Variants in UNC5C observed in about 807,000 individuals in gnomAD.
The protein encoded by UNC5C is netrin receptor UNC5C.
Under a neutral mutation model 99.8 loss-of-function variants are expected in UNC5C, and 47 were observed. That is an observed-to-expected ratio of 0.47 (90% confidence interval 0.37 to 0.60). The LOEUF (loss-of-function observed/expected upper bound fraction) is 0.60, where lower values mean the gene tolerates loss of function less well. UNC5C is among the 20% of genes least tolerant of loss of function. The pLI is 0.00. For missense variants in UNC5C, 1,062 were observed against 1,165.9 expected (o/e 0.91, Z 1.30); for synonymous variants, 487 against 452.2 (o/e 1.08, Z -0.98).
At chr4:95,414,072 A>T (rs115293449) in intron 1 of UNC5C, among the ~76,000 whole-genome samples, 1,752 of 152,334 alleles carry the variant, frequency 0.012, 43 homozygotes, top group African/African-American at 0.04. Flanking sequence ...TTACCCCCAA[A>T]TATCACACCA....
chr4:95,354,159 T>G (rs2149430833), intron 1 of UNC5C, among the ~76,000 whole-genome samples: 1 of 152,198 alleles, frequency 6.6e-6, no homozygotes, highest in Non-Finnish European at 1.5e-5. Flanking sequence ...CATCATTTTT[T>G]GCCTAAACAT....
At chr4:95,462,482 T>A (rs1004731855) in intron 1 of UNC5C, among the ~76,000 whole-genome samples, 4 of 152,154 alleles carry the variant, frequency 2.6e-5, no homozygotes, top group Non-Finnish European at 5.9e-5. Context: ...CAGAATATAG[T>A]CAAGTTAACC....
At chr4:95,362,347 G>T (rs1039663103) in intron 1 of UNC5C, among the ~76,000 whole-genome samples, 1 of 152,142 alleles carries the variant, frequency 6.6e-6, no homozygotes, top group African/African-American at 2.4e-5. Flanking sequence ...CTGGGATTTT[G>T]CTGTGATGGG....
chr4:95,402,324 C>T (rs1560820316), intron 1 of UNC5C, among the ~76,000 whole-genome samples: 1 of 152,158 alleles, frequency 6.6e-6, no homozygotes, highest in Non-Finnish European at 1.5e-5. Context: ...GCCTGCTGTC[C>T]TAGCATGCTA....
At chr4:95,283,018 C>T (rs1160196089) in intron 3 of UNC5C, among the ~76,000 whole-genome samples, 1 of 151,938 alleles carries the variant, frequency 6.6e-6, no homozygotes, top group African/African-American at 2.4e-5. Context: ...GCTTCTGAGG[C>T]CTTCATTTTG....
chr4:95,451,687 C>T (rs1301872424), intron 1 of UNC5C, among the ~76,000 whole-genome samples: 1 of 152,134 alleles, frequency 6.6e-6, no homozygotes, highest in Non-Finnish European at 1.5e-5. Flanking sequence ...AATTCTTCTA[C>T]AGACACTGTA....
In UNC5C at chr4:95,280,360, A is replaced by G. The variant is rs139962568; in HGVS notation, c.491-1998T>C. On this transcript the variant is annotated intron_variant, in intron 3 of 15. Coordinates refer to ENST00000453304, the MANE Select transcript of UNC5C (RefSeq NM_003728.4). ...GAATTTCTATCAGAAAAATGCTTCT[A>G]ATTTGATTGTCAAGACATTGAATAT... Among the ~76,000 whole-genome samples, 682 of 152,296 alleles carry G rather than the reference A, an allele frequency of 4.5e-3. 7 individuals are homozygous for G. The highest frequency in any genetic ancestry group is 0.016 in the African/African-American group (655 of 41,554).
intron 1 of UNC5C, among the ~76,000 whole-genome samples, chr4:95,393,262 A>G (rs1291506065): frequency 1.3e-5 from 2 of 152,216 alleles, no homozygotes; most frequent in Non-Finnish European, 2.9e-5. Context: ...ATTAGGAGTT[A>G]TTATTTTAAA....
chr4:95,351,989 T>C (rs1401105462), intron 1 of UNC5C, among the ~76,000 whole-genome samples: 1 of 152,120 alleles, frequency 6.6e-6, no homozygotes, highest in Non-Finnish European at 1.5e-5. Flanking sequence ...GACCTTTCCC[T>C]TTCTTCCTTG....
chr4:95,530,726 C>T lies in UNC5C; in HGVS notation c.124+18008G>A, dbSNP rs189375130. ...TTACAAGTTTCTATCGAAGATACAG[C>T]ATCTTATCATATGGCTTATTATTCT... is the stretch of plus-strand genomic sequence containing the variant. On this transcript the variant is annotated intron_variant, in intron 1 of 15. Coordinates refer to ENST00000453304, the MANE Select transcript of UNC5C (RefSeq NM_003728.4). Among the ~76,000 whole-genome samples, 943 of 152,216 alleles carry T rather than the reference C, an allele frequency of 6.2e-3. 4 individuals are homozygous for T. The highest frequency in any genetic ancestry group is 9.0e-3 in the Non-Finnish European group (609 of 68,024).
intron 1 of UNC5C, among the ~76,000 whole-genome samples, chr4:95,397,228 C>CAAA: frequency 6.6e-6 from 1 of 152,268 alleles, no homozygotes; most frequent in South Asian, 2.1e-4. Context: ...TTACACAAAA[C>CAAA]AAAAATGTTT....
intron 1 of UNC5C, among the ~76,000 whole-genome samples, chr4:95,422,084 A>G (rs936332447): frequency 6.6e-6 from 1 of 152,196 alleles, no homozygotes; most frequent in Admixed American, 6.5e-5. Context: ...GAAGTTCAAG[A>G]CCTCACTGAC....
At chr4:95,242,888 C>T (rs964963590) in intron 6 of UNC5C, among the ~76,000 whole-genome samples, 9 of 152,120 alleles carry the variant, frequency 5.9e-5, no homozygotes, top group African/African-American at 2.4e-5. Context: ...ATGATGGTTT[C>T]CCTTTTCCTA....
intron 1 of UNC5C, among the ~76,000 whole-genome samples, chr4:95,420,789 A>T (rs1235945562): frequency 2.6e-5 from 4 of 152,234 alleles, no homozygotes; most frequent in Non-Finnish European, 5.9e-5. Flanking sequence ...AGAAAAGGGA[A>T]ATATAAATAA....
rs531220350 is a variant in UNC5C, at chr4:95,227,168, G to A, written c.1109-6992C>T. On this transcript the variant is annotated intron_variant, in intron 7 of 15. Coordinates refer to ENST00000453304, the MANE Select transcript of UNC5C (RefSeq NM_003728.4). ...TTTTTTTTTTTTAAATATTTATTTC[G>A]AGATAGGGTCTTGCTCTGTCATGCT... Among the ~76,000 whole-genome samples the A allele has an allele frequency of 3.4e-5, 5 of 148,660 alleles. No homozygotes were observed. The South Asian group carries it at 6.4e-4, about 19-fold the overall frequency.
At chr4:95,185,712 A>ATAGT (rs1226989735) in intron 12 of UNC5C, among the ~76,000 whole-genome samples, 1 of 152,212 alleles carries the variant, frequency 6.6e-6, no homozygotes, top group Non-Finnish European at 1.5e-5. Flanking sequence ...TCAATCTCTT[A>ATAGT]TAGTTACTTC....
chr4:95,372,062 A>T (rs2149439060), intron 1 of UNC5C, among the ~76,000 whole-genome samples: 1 of 152,252 alleles, frequency 6.6e-6, no homozygotes, highest in African/African-American at 2.4e-5. Context: ...TAACAATCCT[A>T]TCACATAATT....
intron 1 of UNC5C, among the ~76,000 whole-genome samples, chr4:95,407,628 GGAGA>G (rs200070348): frequency 6.6e-6 from 1 of 151,846 alleles, no homozygotes; most frequent in Non-Finnish European, 1.5e-5. Context: ...CTAAGGATGA[GGAGA>G]GAGAGAGAGG....
At chr4:95,489,996 A>G (rs1022059672) in intron 1 of UNC5C, among the ~76,000 whole-genome samples, 1 of 151,536 alleles carries the variant, frequency 6.6e-6, no homozygotes, top group Non-Finnish European at 1.5e-5. Context: ...AATCAGAACC[A>G]TGGCACACAA....
Sources: gnomAD v4.1 joint callset for allele counts (sites outside exome capture counted in the v4.1 genomes callset) on GRCh38, gnomAD v4.1.1 for gene constraint, MANE v1.5 for transcripts, NCBI Gene and HGNC (gene_info 2026-07-23, HGNC 2026-07-21) for gene names.